Variants in ABCC8 observed in about 807,000 individuals in gnomAD.
The protein encoded by ABCC8 is ATP binding cassette subfamily C member 8.
ABCC8 carries 137 observed loss-of-function variants against 188.0 expected under a neutral mutation model. The ratio of observed to expected loss-of-function variants is 0.73; its 90% CI spans 0.63 to 0.84. The LOEUF is 0.84. Among genes scored for constraint, ABCC8 ranks in the 40% least tolerant of loss-of-function variants. ABCC8 has a pLI of 0.00. For missense variants in ABCC8, 1,750 were observed against 2,072.7 expected (o/e 0.84, Z 3.02); for synonymous variants, 797 against 846.5 (o/e 0.94, Z 1.01).
chr11:17,467,303 G>C (rs1213659843), intron 3 of ABCC8, among the ~76,000 whole-genome samples: 4 of 152,120 alleles, frequency 2.6e-5, no homozygotes, highest in African/African-American at 9.7e-5. Context: ...TGTATTCCCA[G>C]CTACTCAGCA....
chr11:17,393,024 G>A lies in ABCC8; in HGVS notation c.4713C>T (p.Ser1571=), dbSNP rs747402972. ...CTGCACGGACGAAGGAGGCGAAGAC[G>A]CTGTCCTTCCGGCTGAGCAGCTTCT... ...KPEKLLSRKD[S]VFASFVRADK The change falls in exon 39 of 39, where the codon AGC becomes AGT. Residue 1571 remains serine, a synonymous_variant. Transcript: ENST00000389817. 8 of 1,614,070 alleles carry A rather than the reference G, an allele frequency of 5.0e-6. No individual in the cohort carries two copies. The African/African-American group carries it at 5.3e-5, about 11-fold the overall frequency.
At chr11:17,443,091 G>T in intron 9 of ABCC8, 87 bp downstream of exon 9, 1 of 1,543,282 alleles carries the variant, frequency 6.5e-7, no homozygotes, top group South Asian at 1.1e-5. Context: ...CAAAGTCAAT[G>T]ACAGTGTGGG....
intron 10 of ABCC8, among the ~76,000 whole-genome samples, chr11:17,438,039 T>A (rs751833320): frequency 2.2e-4 from 34 of 151,900 alleles, no homozygotes; most frequent in Non-Finnish European, 4.7e-4. Context: ...GAGGCAGAGG[T>A]TGCAGTGAGT....
chr11:17,416,211 TTCATAC>T (rs1955065126), intron 17 of ABCC8, among the ~76,000 whole-genome samples: 1 of 152,184 alleles, frequency 6.6e-6, no homozygotes, highest in South Asian at 2.1e-4. Flanking sequence ...CCATCCTGAC[TTCATAC>T]CACCTCTAGG....
Position 17,467,087 on chromosome 11 carries a change from A to ACACAC in ABCC8, c.412+3013_412+3014insGTGTG, listed in dbSNP as rs1404390064. Among the ~76,000 whole-genome samples the ACACAC allele has an allele frequency of 3.4e-4, 14 of 41,318 alleles. No individual in the cohort carries two copies. The East Asian group carries it at 0.01, about 31-fold the overall frequency. 27.1% of individuals were successfully genotyped at this position (41,318 alleles called of 152,430 possible). On this transcript the variant is annotated intron_variant, in intron 3 of 38. Coordinates refer to ENST00000389817, the MANE Select transcript of ABCC8 (RefSeq NM_000352.6). The stretch of plus-strand genomic sequence containing the variant: ...ACACACACACACACACACACACACA[A>ACACAC]CTTCCCATTGCTGTTGGGATAAAGG...
In ABCC8 at chr11:17,427,763, G is replaced by A. The variant is rs1156788823; in HGVS notation, c.2116+104C>T. On this transcript the variant is annotated intron_variant, in intron 15 of 38. Transcript: ENST00000389817. The surrounding 1 kb of genome is among the most constrained non-coding windows in gnomAD (Gnocchi z 5.0). ...TATACCCAGGGCATACACCAAGAAT[G>A]AGCAGAGAGTAGGTGCTCAATAAAT... 2.1e-6 allele frequency: 3 copies of A among 1,439,406 alleles called. No homozygotes were observed. The highest frequency in any genetic ancestry group is 2.4e-5 in the East Asian group (1 of 40,878). 89.2% of individuals were successfully genotyped at this position (1,439,406 alleles called of 1,614,324 possible). A position where few individuals can be genotyped will look rare whatever the true frequency, so the allele number is the denominator to read the frequency against.
At chr11:17,397,125 C>A (rs779250891) in intron 32 of ABCC8, 68 bp downstream of exon 32, 2 of 1,613,556 alleles carry the variant, frequency 1.2e-6, no homozygotes, top group Non-Finnish European at 1.7e-6. Context: ...CCCAGGCTCC[C>A]TTGTGGCCCC....
chr11:17,428,062 CA>C, intron 14 of ABCC8, 120 bp from the exon 15 acceptor site: 8 of 1,589,690 alleles, frequency 5.0e-6, no homozygotes, highest in Non-Finnish European at 6.8e-6. Context: ...GCCCCTGGAT[CA>C]CTTCCAGAGC....
intron 10 of ABCC8, among the ~76,000 whole-genome samples, chr11:17,440,325 T>TG (rs1956266558): frequency 6.6e-6 from 1 of 152,016 alleles, no homozygotes; most frequent in Non-Finnish European, 1.5e-5. Flanking sequence ...TGTACAAAAC[T>TG]GGGGGGCTAT....
At chr11:17,413,845 T>C (rs551175849) in intron 19 of ABCC8, among the ~76,000 whole-genome samples, 12 of 152,196 alleles carry the variant, frequency 7.9e-5, no homozygotes, top group Non-Finnish European at 1.6e-4. Flanking sequence ...TGATGGCTGG[T>C]CAAATATTTG....
intron 2 of ABCC8, among the ~76,000 whole-genome samples, chr11:17,470,593 G>A (rs1484636207): frequency 6.6e-6 from 1 of 152,200 alleles, no homozygotes; most frequent in Non-Finnish European, 1.5e-5. Flanking sequence ...ACTGATGAGA[G>A]TCAGTATTTA....
chr11:17,437,571 A>T (rs17775256), intron 10 of ABCC8, among the ~76,000 whole-genome samples: 52,650 of 152,168 alleles, frequency 0.35, 9,175 homozygotes, highest in Middle Eastern at 0.49. Flanking sequence ...GCTGTTTCCC[A>T]TTCAGTCCAA....
chr11:17,474,783 A>T (rs1045716056), intron 2 of ABCC8, 103 bp downstream of exon 2: 1 of 1,317,006 alleles, frequency 7.6e-7, no homozygotes, highest in African/African-American at 1.4e-5. Context: ...TAGTAACAAA[A>T]GACATGGGCT....
At chr11:17,461,929 C>T (rs1309168241) in intron 4 of ABCC8, 104 bp from the exon 5 acceptor site, 7 of 1,551,930 alleles carry the variant, frequency 4.5e-6, no homozygotes, top group Middle Eastern at 3.4e-4. Context: ...CACTTGATCT[C>T]TAACAGATGG....
At chr11:17,405,095 C>T (rs908873878) in intron 27 of ABCC8, among the ~76,000 whole-genome samples, 1 of 152,180 alleles carries the variant, frequency 6.6e-6, no homozygotes, top group African/African-American at 2.4e-5. Flanking sequence ...GCACGTATCT[C>T]ATCTCTCCAG....
At chr11:17,398,595 C>T in intron 29 of ABCC8, 154 bp from the exon 30 acceptor site, 1 of 1,425,584 alleles carries the variant, frequency 7.0e-7, no homozygotes. Flanking sequence ...CTGGAATGTC[C>T]ACCCCACTCC....
rs1276993058 is a variant in ABCC8, at chr11:17,428,306, C to T, written c.2023G>A (p.Asp675Asn). The T allele has an allele frequency of 3.7e-6, 6 of 1,614,084 alleles. No individual in the cohort carries two copies. The highest frequency in any genetic ancestry group is 5.1e-6 in the Non-Finnish European group (6 of 1,180,056). The stretch of plus-strand genomic sequence containing the variant: ...GGACTCACCTGGACACAGCAGTTGT[C>T]AGCATCGCCATCTGCACTGGGGACC... ...SLVPSADGDA[D>N]NCCVQIMGGY... The change falls in exon 14 of 39, where the codon GAC becomes AAC. Residue 675 changes from aspartate (D) to asparagine (N), a missense_variant. Asp to Asn is a conservative substitution (Grantham distance 23). Transcript: ENST00000389817.
intron 38 of ABCC8, 136 bp from the exon 39 acceptor site, chr11:17,393,264 A>G: frequency 1.6e-6 from 2 of 1,247,648 alleles, no homozygotes; most frequent in Non-Finnish European, 2.2e-6. Flanking sequence ...CACTGTGGGG[A>G]CTGCACTTTC....
chr11:17,443,064 C>T, intron 9 of ABCC8, 114 bp downstream of exon 9: 1 of 1,506,338 alleles, frequency 6.6e-7, no homozygotes, highest in Non-Finnish European at 9.2e-7. Flanking sequence ...GTGAAGTGGC[C>T]TACTCAAAGT....
Sources: gnomAD v4.1 joint callset for allele counts (sites outside exome capture counted in the v4.1 genomes callset) on GRCh38, gnomAD v4.1.1 for gene constraint, Gnocchi (gnomAD v3.1) non-coding constraint, MANE v1.5 for transcripts, NCBI Gene and HGNC (gene_info 2026-07-23, HGNC 2026-07-21) for gene names.